The following HCRTR2 variants were observed in gnomAD, a reference collection of about 807,000 sequenced individuals.
HCRTR2 encodes hypocretin receptor 2, also known as orexin receptor type 2.
Under a neutral mutation model 49.0 loss-of-function variants are expected in HCRTR2, and 22 were observed. That is an observed-to-expected ratio of 0.45 (90% CI 0.32 to 0.64). HCRTR2 has a LOEUF of 0.64. Ranked by LOEUF, HCRTR2 falls within the 30% of genes least tolerant of loss-of-function variation. The pLI, the probability that HCRTR2 is intolerant of heterozygous loss-of-function variation, is 0.04. For missense variants in HCRTR2, 491 were observed against 559.4 expected (o/e 0.88, Z 1.23); for synonymous variants, 236 against 205.3 (o/e 1.15, Z -1.28).
chr6:55,187,550 G>T (rs559673251), intron 1 of HCRTR2, among the ~76,000 whole-genome samples: 1 of 151,312 alleles, frequency 6.6e-6, no homozygotes, highest in African/African-American at 2.4e-5. Flanking sequence ...AATCAGTAAT[G>T]AACAAAATTT....
intron 1 of HCRTR2, among the ~76,000 whole-genome samples, chr6:55,124,387 A>C (rs925677679): frequency 3.3e-5 from 5 of 152,188 alleles, no homozygotes; most frequent in Non-Finnish European, 7.3e-5. Flanking sequence ...GTAGTTATTC[A>C]GGAGCAGGCT....
intron 1 of HCRTR2, among the ~76,000 whole-genome samples, chr6:55,179,214 A>G (rs11751491): frequency 0.15 from 23,386 of 152,068 alleles, 2,248 homozygotes; most frequent in Non-Finnish European, 0.22. Flanking sequence ...TTTTAGTTTC[A>G]TGGGTGTTTG....
intron 1 of HCRTR2, among the ~76,000 whole-genome samples, chr6:55,175,147 G>C (rs1391404711): frequency 1.3e-5 from 2 of 151,948 alleles, no homozygotes; most frequent in Non-Finnish European, 2.9e-5. Flanking sequence ...GTGGGTAGGT[G>C]GGGGAGTCAG....
chr6:55,109,575 A>C (rs1764022160), intron 1 of HCRTR2, among the ~76,000 whole-genome samples: 1 of 152,168 alleles, frequency 6.6e-6, no homozygotes, highest in Non-Finnish European at 1.5e-5. Context: ...CATGCAAAAT[A>C]CCTGGAAATT....
chr6:55,265,640 G>A (rs1013302812), intron 4 of HCRTR2, among the ~76,000 whole-genome samples: 2 of 152,130 alleles, frequency 1.3e-5, no homozygotes, highest in Admixed American at 6.6e-5. Context: ...TTCTCTGACA[G>A]AAAGACATCA....
intron 1 of HCRTR2, among the ~76,000 whole-genome samples, chr6:55,139,890 T>G (rs970744267): frequency 6.6e-6 from 1 of 152,196 alleles, no homozygotes; most frequent in Non-Finnish European, 1.5e-5. Context: ...GAAAGTGAGT[T>G]CTTCCTTGAA....
intron 1 of HCRTR2, among the ~76,000 whole-genome samples, chr6:55,214,383 G>T (rs1198553911): frequency 6.6e-6 from 1 of 152,298 alleles, no homozygotes; most frequent in African/African-American, 2.4e-5. Flanking sequence ...CCAGACTTGA[G>T]TGCAGTGATG....
chr6:55,247,586 A>C (rs1256108444), intron 1 of HCRTR2, among the ~76,000 whole-genome samples: 1 of 152,124 alleles, frequency 6.6e-6, no homozygotes, highest in East Asian at 1.9e-4. Flanking sequence ...CTTTCAGTGA[A>C]GCAAACCCAT....
chr6:55,268,385 C>T (rs538939448), intron 4 of HCRTR2, among the ~76,000 whole-genome samples: 3 of 151,872 alleles, frequency 2.0e-5, no homozygotes, highest in East Asian at 1.9e-4. Flanking sequence ...GGATACAATA[C>T]TTCAATCAAA....
intron 1 of HCRTR2, among the ~76,000 whole-genome samples, chr6:55,149,750 A>T (rs921792310): frequency 2.6e-5 from 4 of 152,074 alleles, no homozygotes; most frequent in African/African-American, 9.7e-5. Context: ...CTCATATTTA[A>T]TTCCTATATT....
intron 1 of HCRTR2, among the ~76,000 whole-genome samples, chr6:55,116,402 T>A (rs1027926182): frequency 2.0e-5 from 3 of 151,532 alleles, no homozygotes; most frequent in African/African-American, 7.3e-5. Flanking sequence ...TCACTGGTTT[T>A]TAGTTTTAAA....
At chr6:55,273,468 TCCTCCTCCTC>T (rs1767013669) in intron 4 of HCRTR2, among the ~76,000 whole-genome samples, 1 of 151,996 alleles carries the variant, frequency 6.6e-6, no homozygotes, top group South Asian at 2.1e-4. Context: ...AACTTTTTGT[TCCTCCTCCTC>T]CCAGATAAAA....
At chr6:55,111,168 A>G (rs953657305) in intron 1 of HCRTR2, among the ~76,000 whole-genome samples, 5 of 151,390 alleles carry the variant, frequency 3.3e-5, no homozygotes, top group African/African-American at 9.7e-5. Context: ...ATACAGCAAA[A>G]TGGTGCTAAG....
intron 1 of HCRTR2, among the ~76,000 whole-genome samples, chr6:55,139,221 C>A (rs1238787157): frequency 6.6e-6 from 1 of 152,126 alleles, no homozygotes. Flanking sequence ...GTGGATTCAC[C>A]TTTAGACGTG....
intron 1 of HCRTR2, among the ~76,000 whole-genome samples, chr6:55,235,937 T>A (rs1766205409): frequency 6.6e-6 from 1 of 152,094 alleles, no homozygotes; most frequent in Admixed American, 6.6e-5. Context: ...TGATAGCTAA[T>A]GTAAATCCTT....
intron 1 of HCRTR2, among the ~76,000 whole-genome samples, chr6:55,169,056 T>C (rs201499140): frequency 6.6e-6 from 1 of 151,784 alleles, no homozygotes; most frequent in Non-Finnish European, 1.5e-5. Flanking sequence ...GGAAAATAGA[T>C]GTCTCTTCTG....
chr6:55,245,972 C>A (rs1766435629), intron 1 of HCRTR2, among the ~76,000 whole-genome samples: 1 of 151,856 alleles, frequency 6.6e-6, no homozygotes, highest in Non-Finnish European at 1.5e-5. Flanking sequence ...GGCCTTTAAT[C>A]CAATATGACT....
chr6:55,234,020 A>G (rs1766166987), intron 1 of HCRTR2, among the ~76,000 whole-genome samples: 1 of 152,198 alleles, frequency 6.6e-6, no homozygotes, highest in Non-Finnish European at 1.5e-5. Context: ...AATTCATTTA[A>G]TGTGATCCAT....
chr6:55,162,462 A>G (rs1561991603), intron 1 of HCRTR2, among the ~76,000 whole-genome samples: 2 of 152,180 alleles, frequency 1.3e-5, no homozygotes, highest in African/African-American at 4.8e-5. Flanking sequence ...ACTCCTATTC[A>G]ACATAGTGTT....
Sources: allele counts gnomAD v4.1 joint callset (sites outside exome capture counted in the v4.1 genomes callset), GRCh38; gene constraint gnomAD v4.1.1; transcripts MANE v1.5; gene names NCBI Gene and HGNC (gene_info 2026-07-23, HGNC 2026-07-21).